The following ASIC2 variants were observed in gnomAD, a reference collection of about 807,000 sequenced individuals.
The protein encoded by ASIC2 is acid-sensing ion channel 2.
Under a neutral mutation model 57.3 loss-of-function variants are expected in ASIC2, and 25 were observed. That is an observed-to-expected ratio of 0.44 (90% CI 0.32 to 0.61). ASIC2 has a LOEUF of 0.61. ASIC2 is among the 20% of genes least tolerant of loss of function. The pLI, the probability that ASIC2 is intolerant of heterozygous loss-of-function variation, is 0.06. For synonymous variants in ASIC2, 319 were observed against 307.5 expected (o/e 1.04, Z -0.39); for missense variants, 641 against 738.1 (o/e 0.87, Z 1.52).
rs560538374 is a variant in ASIC2 at position 33,517,504 on chromosome 17, G to C, written c.556-405437C>G. On this transcript the variant is annotated intron_variant, in intron 1 of 9. Coordinates refer to the ASIC2 transcript ENST00000359872. ...GGAGTTGGGAGTAGCCTAGCGGAGT[G>C]ATTCTAGCCGAGGTCTCTTGTGAGG... Among the ~76,000 whole-genome samples, 4 of 152,338 alleles carry C rather than the reference G, an allele frequency of 2.6e-5. No homozygotes were observed. In the East Asian group the frequency reaches 5.8e-4, roughly 22 times the overall value.
At chr17:33,314,912 G>A (rs1906581162) in intron 1 of ASIC2, among the ~76,000 whole-genome samples, 1 of 152,130 alleles carries the variant, frequency 6.6e-6, no homozygotes, top group Non-Finnish European at 1.5e-5. Context: ...AATGTAGGGA[G>A]GTAGGGAGGC....
At chr17:33,833,116 C>T (rs989048279) in intron 1 of ASIC2, among the ~76,000 whole-genome samples, 9 of 151,988 alleles carry the variant, frequency 5.9e-5, no homozygotes, top group Non-Finnish European at 1.2e-4. Context: ...TATGTTAAAA[C>T]GGGAGGCTGC....
At chr17:33,204,438 C>G (rs559281963) in intron 1 of ASIC2, among the ~76,000 whole-genome samples, 4 of 152,190 alleles carry the variant, frequency 2.6e-5, no homozygotes, top group Non-Finnish European at 4.4e-5. Flanking sequence ...GGCAGGGAGA[C>G]AGCCTGTTGT....
At chr17:33,424,232 C>T (rs1159636662) in intron 1 of ASIC2, among the ~76,000 whole-genome samples, 2 of 152,202 alleles carry the variant, frequency 1.3e-5, no homozygotes, top group East Asian at 1.9e-4. Context: ...CCCCATTTCT[C>T]CTCCTGCCAC....
At chr17:33,093,264 C>G (rs903187041) in intron 2 of ASIC2, among the ~76,000 whole-genome samples, 2 of 152,124 alleles carry the variant, frequency 1.3e-5, no homozygotes, top group African/African-American at 4.8e-5. Flanking sequence ...CCTGTGTGAC[C>G]GCCCTGATAG....
intron 1 of ASIC2, among the ~76,000 whole-genome samples, chr17:33,345,341 A>C (rs1010881448): frequency 6.6e-6 from 1 of 152,240 alleles, no homozygotes; most frequent in Middle Eastern, 3.2e-3. Flanking sequence ...CCGATGGGCA[A>C]GGCAAGATCC....
At chr17:33,480,758 C>T (rs758741345) in intron 1 of ASIC2, among the ~76,000 whole-genome samples, 2 of 152,098 alleles carry the variant, frequency 1.3e-5, no homozygotes, top group Non-Finnish European at 2.9e-5. Context: ...ACTGTAGAAA[C>T]CCTCTACCCC....
At chr17:33,606,904 G>C (rs1014739100) in intron 1 of ASIC2, among the ~76,000 whole-genome samples, 1 of 152,182 alleles carries the variant, frequency 6.6e-6, no homozygotes, top group African/African-American at 2.4e-5. Context: ...TGTGGTCACA[G>C]TGCCTCCTAG....
At chr17:33,219,692 AG>A (rs1196183714) in intron 1 of ASIC2, among the ~76,000 whole-genome samples, 1 of 152,126 alleles carries the variant, frequency 6.6e-6, no homozygotes, top group African/African-American at 2.4e-5. Context: ...ATGGGGGAAA[AG>A]TTTCGGTGGT....
At chr17:33,879,606 A>G (rs2701498) in intron 1 of ASIC2, among the ~76,000 whole-genome samples, 41,546 of 152,106 alleles carry the variant, frequency 0.27, 5,895 homozygotes, top group Middle Eastern at 0.36. Flanking sequence ...TTCATGAAGC[A>G]AGTCCTTAGA....
chr17:33,018,538 C>G (rs1359808341), intron 7 of ASIC2, among the ~76,000 whole-genome samples: 1 of 152,174 alleles, frequency 6.6e-6, no homozygotes, highest in Non-Finnish European at 1.5e-5. Context: ...CAGGAGAGTC[C>G]ATAGCTATTA....
chr17:33,350,377 CACTT>C (rs1908114157), intron 1 of ASIC2, among the ~76,000 whole-genome samples: 1 of 152,096 alleles, frequency 6.6e-6, no homozygotes, highest in African/African-American at 2.4e-5. Context: ...TTTTCTGAAT[CACTT>C]AATTTACTTA....
intron 1 of ASIC2, among the ~76,000 whole-genome samples, chr17:33,185,233 CTTTG>C (rs1400723972): frequency 3.3e-5 from 5 of 152,062 alleles, no homozygotes; most frequent in East Asian, 1.9e-4. Context: ...TTTGATTGGG[CTTTG>C]TTTGTTTGTC....
intron 1 of ASIC2, among the ~76,000 whole-genome samples, chr17:33,438,934 C>T (rs1165567636): frequency 1.3e-5 from 2 of 149,254 alleles, no homozygotes; most frequent in East Asian, 4.0e-4. Context: ...CCTCAACTTT[C>T]TGGTGCTCAA....
intron 1 of ASIC2, among the ~76,000 whole-genome samples, chr17:34,137,309 T>A (rs1428311864): frequency 1.3e-5 from 2 of 152,326 alleles, no homozygotes; most frequent in East Asian, 1.9e-4. Context: ...TCCTCCACAA[T>A]TGAGACTTTA....
At chr17:33,535,511 C>A (rs1378964512) in intron 1 of ASIC2, among the ~76,000 whole-genome samples, 1 of 151,942 alleles carries the variant, frequency 6.6e-6, no homozygotes, top group African/African-American at 2.4e-5. Flanking sequence ...CTCCTGCCCT[C>A]ATGATCTGCC....
Position 33,708,861 on chromosome 17 carries a change from G to T in ASIC2, c.555+447117C>A, listed in dbSNP as rs1039020456. Among the ~76,000 whole-genome samples the T allele has an allele frequency of 4.6e-5, 7 of 152,260 alleles. No individual in the cohort carries two copies. In the South Asian group the frequency reaches 8.3e-4, roughly 18 times the overall value. ...GACTCCCTTCCTCGCACAAGCAGGA[G>T]CCCTGTTTCAAAAATTTCTGGTTGG... On this transcript the variant is annotated intron_variant, in intron 1 of 9. Coordinates refer to the ASIC2 transcript ENST00000359872.
chr17:33,441,636 C>A (rs997814026), intron 1 of ASIC2, among the ~76,000 whole-genome samples: 6 of 152,154 alleles, frequency 3.9e-5, no homozygotes, highest in African/African-American at 1.4e-4. Context: ...TGAAGCAGGT[C>A]ATAAGGACCT....
At chr17:34,015,216 G>A (rs9892726) in intron 1 of ASIC2, among the ~76,000 whole-genome samples, 1 of 151,650 alleles carries the variant, frequency 6.6e-6, no homozygotes, top group African/African-American at 2.4e-5. Context: ...GCCTATCCCC[G>A]CTCTTCATCT....
Sources: allele counts gnomAD v4.1 joint callset (sites outside exome capture counted in the v4.1 genomes callset), GRCh38; gene constraint gnomAD v4.1.1; transcripts MANE v1.5; gene names NCBI Gene and HGNC (gene_info 2026-07-23, HGNC 2026-07-21).